The following EHMT1 variants were observed in gnomAD, a reference collection of about 807,000 sequenced individuals.
EHMT1 encodes the protein euchromatic histone lysine methyltransferase 1, also known as histone-lysine N-methyltransferase EHMT1.
In EHMT1, 15 loss-of-function variants were observed where a neutral mutation model predicts 147.2. That is an observed-to-expected ratio of 0.10 (90% CI 0.07 to 0.16). The LOEUF is 0.16. Among genes scored for constraint, EHMT1 ranks in the 10% least tolerant of loss-of-function variants. The pLI is 1.00. For synonymous variants in EHMT1, 795 were observed against 709.6 expected, an observed-to-expected ratio of 1.12 and a Z score of -1.91; for missense variants, 1,587 against 1,772.4, an observed-to-expected ratio of 0.90 and a Z score of 1.88.
At chr9:137,796,507 A>T (rs1299309954) in intron 16 of EHMT1, among the ~76,000 whole-genome samples, 2 of 151,986 alleles carry the variant, frequency 1.3e-5, no homozygotes, top group African/African-American at 4.8e-5. Context: ...GATCGAGGCC[A>T]TCCTGGCTAA....
chr9:137,642,350 A>G (rs1319141384), intron 1 of EHMT1, among the ~76,000 whole-genome samples: 1 of 151,994 alleles, frequency 6.6e-6, no homozygotes, highest in Non-Finnish European at 1.5e-5. Context: ...GCTGGAGCGC[A>G]GTGAGTATTC....
intron 1 of EHMT1, among the ~76,000 whole-genome samples, chr9:137,660,248 C>CT (rs952086003): frequency 1.7e-4 from 26 of 151,934 alleles, no homozygotes; most frequent in African/African-American, 6.0e-4. Flanking sequence ...GGGAGGATGA[C>CT]TTGAGCCTGG....
At chr9:137,626,682 A>T (rs1289018587) in intron 1 of EHMT1, among the ~76,000 whole-genome samples, 1 of 152,080 alleles carries the variant, frequency 6.6e-6, no homozygotes, top group African/African-American at 2.4e-5. Context: ...TTGCGAATAA[A>T]GCACTCACCA....
intron 1 of EHMT1, among the ~76,000 whole-genome samples, chr9:137,689,452 C>T (rs191980636): frequency 6.6e-6 from 1 of 152,196 alleles, no homozygotes; most frequent in East Asian, 1.9e-4. Context: ...TGCTGTTAAT[C>T]CCAGCACTTT....
chr9:137,704,641 C>T (rs1303068999), intron 1 of EHMT1, among the ~76,000 whole-genome samples: 45 of 152,080 alleles, frequency 3.0e-4, no homozygotes, highest in East Asian at 1.9e-4. Flanking sequence ...GGTATCCTCT[C>T]TTCTTTTTAC....
chr9:137,699,547 C>T (rs981435026), intron 1 of EHMT1, among the ~76,000 whole-genome samples: 1 of 152,098 alleles, frequency 6.6e-6, no homozygotes, highest in Non-Finnish European at 1.5e-5. Context: ...AATTGCCATG[C>T]GCCTATAATC....
intron 9 of EHMT1, among the ~76,000 whole-genome samples, chr9:137,761,486 A>T (rs1214171029): frequency 1.3e-5 from 2 of 152,072 alleles, no homozygotes; most frequent in African/African-American, 4.8e-5. Context: ...ACGGAGTCTC[A>T]CTCTGTTGCC....
chr9:137,729,722 T>G (rs916100933), intron 4 of EHMT1, among the ~76,000 whole-genome samples: 18 of 152,264 alleles, frequency 1.2e-4, no homozygotes, highest in Admixed American at 3.9e-4. Context: ...CCCCATGTAT[T>G]ACTTTTTTTT....
At chr9:137,743,215 T>C (rs1050109556) in intron 4 of EHMT1, 156 bp from the exon 5 acceptor site, 5 of 784,008 alleles carry the variant, frequency 6.4e-6, no homozygotes, top group Admixed American at 2.7e-5. Context: ...TGCCTGTCAC[T>C]GTGCTGATGA....
chr9:137,709,130 A>G (rs1198347772), intron 1 of EHMT1, among the ~76,000 whole-genome samples: 2 of 152,228 alleles, frequency 1.3e-5, no homozygotes, highest in African/African-American at 2.4e-5. Context: ...CTGTGCAAAT[A>G]TCAGCACAGT....
chr9:137,828,308 AT>A lies in EHMT1; in HGVS notation c.3541-6040del, dbSNP rs1204189693. Among the ~76,000 whole-genome samples the A allele has an allele frequency of 6.9e-6, 1 of 144,258 alleles. No homozygotes were observed. Among genetic ancestry groups the A allele is most frequent in the Non-Finnish European group, 1.5e-5 (1 of 65,500 alleles). The allele number at this position is 144,258 out of a possible 152,430, so 94.6% of individuals were successfully genotyped here. A position where few individuals can be genotyped will look rare whatever the true frequency, so the allele number is the denominator to read the frequency against. ...TGGAACCCACACCCTGTCCCCAAAGATGCCCTGGACATGCCCTGGGGTGGGG... is the reference window on the plus strand; with the variant it reads ...TGGAACCCACACCCTGTCCCCAAAGAGCCCTGGACATGCCCTGGGGTGGGG... On this transcript the variant is annotated intron_variant, in intron 25 of 26. Coordinates refer to ENST00000460843, the MANE Select transcript of EHMT1 (RefSeq NM_024757.5). The surrounding 1 kb of genome is among the most constrained non-coding windows in gnomAD (Gnocchi z 5.3).
intron 8 of EHMT1, among the ~76,000 whole-genome samples, chr9:137,755,840 T>C (rs550186306): frequency 1.3e-5 from 2 of 152,220 alleles, no homozygotes; most frequent in Non-Finnish European, 2.9e-5. Context: ...TTAGCCTTCA[T>C]TTAGTTTTTT....
chr9:137,726,674 C>T (rs914907544), intron 3 of EHMT1, among the ~76,000 whole-genome samples: 1 of 152,212 alleles, frequency 6.6e-6, no homozygotes, highest in African/African-American at 2.4e-5. Context: ...TAGTTCCACA[C>T]TTAGCTTTTT....
At chr9:137,647,322 T>C (rs1483739954) in intron 1 of EHMT1, among the ~76,000 whole-genome samples, 1 of 152,146 alleles carries the variant, frequency 6.6e-6, no homozygotes, top group Admixed American at 6.6e-5. Flanking sequence ...GGAAAACTGA[T>C]AGGCACCTTC....
chr9:137,678,270 CCAGCA>C (rs1273511197), intron 1 of EHMT1, among the ~76,000 whole-genome samples: 5 of 152,028 alleles, frequency 3.3e-5, no homozygotes, highest in Non-Finnish European at 7.4e-5. Context: ...GCTAGAGCCC[CCAGCA>C]CAGTGTTTGA....
intron 15 of EHMT1, chr9:137,785,398 C>T (rs1434665488): frequency 6.5e-6 from 1 of 154,408 alleles, no homozygotes; most frequent in South Asian, 2.0e-4. Context: ...TGCGCTGAGC[C>T]CGTGAGGGTG....
chr9:137,824,347 A>G (rs1007870523), intron 25 of EHMT1, among the ~76,000 whole-genome samples: 3 of 152,204 alleles, frequency 2.0e-5, no homozygotes, highest in African/African-American at 7.2e-5. Context: ...CTACGTCTGG[A>G]CCATGTTTTG....
chr9:137,778,478 C>T (rs941263744), intron 13 of EHMT1, among the ~76,000 whole-genome samples: 5 of 152,252 alleles, frequency 3.3e-5, no homozygotes, highest in African/African-American at 1.2e-4. Flanking sequence ...CACCCCTCCT[C>T]GTCCTCCTCT....
chr9:137,752,700 G>A (rs569409914), intron 7 of EHMT1, among the ~76,000 whole-genome samples: 2 of 152,218 alleles, frequency 1.3e-5, no homozygotes, highest in Non-Finnish European at 2.9e-5. Context: ...AGAGGGTGTG[G>A]TGGGAGCCGG....
Sources: allele counts gnomAD v4.1 joint callset (sites outside exome capture counted in the v4.1 genomes callset), GRCh38; gene constraint gnomAD v4.1.1; non-coding constraint Gnocchi (gnomAD v3.1); transcripts MANE v1.5; gene names NCBI Gene and HGNC (gene_info 2026-07-23, HGNC 2026-07-21).